The following ACOX3 variants were observed in gnomAD, a reference collection of about 807,000 sequenced individuals.
ACOX3 encodes the protein acyl-CoA oxidase 3, pristanoyl.
ACOX3 carries 73 observed loss-of-function variants against 81.5 expected under a neutral mutation model. The ratio of observed to expected loss-of-function variants is 0.90; its 90% CI spans 0.74 to 1.09. The LOEUF is 1.09. ACOX3 is among the 50% of genes least tolerant of loss of function. The pLI, the probability that ACOX3 is intolerant of heterozygous loss-of-function variation, is 0.00. For synonymous variants in ACOX3, 387 were observed against 375.1 expected, an observed-to-expected ratio of 1.03 and a Z score of -0.37; for missense variants, 947 against 928.0, an observed-to-expected ratio of 1.02 and a Z score of -0.27.
chr4:8,416,525 G>A lies in ACOX3; in HGVS notation c.-4C>T, dbSNP rs748628121. 55 of 1,599,604 alleles carry A rather than the reference G, an allele frequency of 3.4e-5. No individual in the cohort carries two copies. The highest frequency in any genetic ancestry group is 4.2e-5 in the Non-Finnish European group (49 of 1,172,374). ...CTCCTTCCACAGTGGATGCCATCGC[G>A]TGATAAGAGCCTGCACAAAACATGC... On this transcript the variant is annotated 5_prime_UTR_variant, in exon 2 of 18. It adds an upstream start codon to the 5' untranslated region. Coordinates refer to ENST00000356406, the MANE Select transcript of ACOX3 (RefSeq NM_003501.3). The surrounding 1 kb of genome is among the most constrained non-coding windows in gnomAD (Gnocchi z 4.2).
At chr4:8,425,951 G>A (rs1007966968) in intron 1 of ACOX3, among the ~76,000 whole-genome samples, 3 of 152,078 alleles carry the variant, frequency 2.0e-5, no homozygotes, top group Non-Finnish European at 4.4e-5. Flanking sequence ...GAAAATGAAC[G>A]AAACACTCAA....
chr4:8,377,447 C>G (rs1349844527), intron 14 of ACOX3, among the ~76,000 whole-genome samples: 3 of 149,060 alleles, frequency 2.0e-5, no homozygotes, highest in East Asian at 3.9e-4. Context: ...AGTTTTGAAA[C>G]ACAGCGTCAC....
At chr4:8,374,022 G>A (rs1036436406) in intron 15 of ACOX3, 12 of 227,310 alleles carry the variant, frequency 5.3e-5, no homozygotes, top group Non-Finnish European at 8.8e-5. Context: ...GCGCAGGGGC[G>A]AGGGGGTGCC....
rs757530896 is a variant in ACOX3 at position 8,399,603 on chromosome 4, G to C, written c.826C>G (p.Arg276Gly). ...VRVPRQSLLN[R>G]MGDVTPEGTY... ...CCCTCGGGGGTGACGTCTCCCATCC[G>C]GTTCAGAAGGCTCTGGCGAGGAACT... The change falls in exon 8 of 18, where the codon CGG (arginine) becomes GGG (glycine). Residue 276 changes from arginine (R) to glycine (G), a missense_variant. Arg to Gly is a moderately radical substitution (Grantham distance 125, BLOSUM62 -2). Coordinates refer to ENST00000356406, the MANE Select transcript of ACOX3 (RefSeq NM_003501.3). This position sits in a 1 kb window ranked among gnomAD's most constrained non-coding sequence, Gnocchi z 4.9. 1 of 1,614,154 alleles carries C rather than the reference G, an allele frequency of 6.2e-7. No homozygotes were observed. Among genetic ancestry groups the C allele is most frequent in the South Asian group, 1.1e-5 (1 of 91,080 alleles).
In ACOX3 at chr4:8,394,759, A is replaced by C; in HGVS notation, c.1057-17T>G. The C allele has an allele frequency of 1.2e-6, 2 of 1,606,928 alleles. No individual in the cohort carries two copies. The highest frequency in any genetic ancestry group is 1.7e-6 in the Non-Finnish European group (2 of 1,175,210). ...GCGCCATTGCTAGAACAGACAAGACACCTGCGTGAACACATCGTGGTTCCC... is the reference window on the plus strand; with the variant it reads ...GCGCCATTGCTAGAACAGACAAGACCCCTGCGTGAACACATCGTGGTTCCC... On this transcript the variant is annotated splice_polypyrimidine_tract_variant and intron_variant, in intron 9 of 17. Transcript: ENST00000356406. The surrounding 1 kb of genome is among the most constrained non-coding windows in gnomAD (Gnocchi z 5.9).
intron 6 of ACOX3, 76 bp downstream of exon 6, chr4:8,410,135 CA>C (rs1241727217): frequency 2.0e-5 from 30 of 1,524,902 alleles, no homozygotes; most frequent in Non-Finnish European, 2.5e-5. Context: ...CTTGTTATGA[CA>C]AAAATGACTC....
intron 16 of ACOX3, among the ~76,000 whole-genome samples, chr4:8,372,135 T>C (rs181040197): frequency 3.9e-5 from 6 of 152,324 alleles, no homozygotes; most frequent in Non-Finnish European, 5.9e-5. Context: ...TCTTGCTCTG[T>C]TGTCCAGGCT....
chr4:8,358,455 T>C, the ACOX3 span: 1 of 150,874 alleles, frequency 6.6e-6, no homozygotes, highest in East Asian at 2.0e-4. Context: ...TTTTTGAATC[T>C]ACCTGTCAGA....
Position 8,389,090 on chromosome 4 carries a change from C to A in ACOX3, c.1537+83G>T. 8.7e-7 allele frequency: 1 copy of A among 1,146,324 alleles called. No homozygotes were observed. Among genetic ancestry groups the A allele is most frequent in the Non-Finnish European group, 1.3e-6 (1 of 779,908 alleles). The allele number at this position is 1,146,324 out of a possible 1,614,324, so 71.0% of individuals were successfully genotyped here. On this transcript the variant is annotated intron_variant, in intron 13 of 17. Coordinates refer to ENST00000356406, the MANE Select transcript of ACOX3 (RefSeq NM_003501.3). This position sits in a 1 kb window ranked among gnomAD's most constrained non-coding sequence, Gnocchi z 5.3. ...TGCCCCGGCTGGAACTGCCAAGGGTCCCCTCACCGAGGCACGGTGCGTTTC... is the reference window on the plus strand; with the variant it reads ...TGCCCCGGCTGGAACTGCCAAGGGTACCCTCACCGAGGCACGGTGCGTTTC...
Position 8,419,107 on chromosome 4 carries a change from C to A in ACOX3, c.-14-2572G>T, listed in dbSNP as rs546922602. Among the ~76,000 whole-genome samples, 1 of 151,946 alleles carries A rather than the reference C, an allele frequency of 6.6e-6. No homozygotes were observed. Among genetic ancestry groups the A allele is most frequent in the Non-Finnish European group, 1.5e-5 (1 of 67,990 alleles). ...CTTGAGCCCAGGAGTTTGAGACCAG[C>A]CTGGGTGATACAGCAAGACCTTATC... On this transcript the variant is annotated intron_variant, in intron 1 of 17. Transcript: ENST00000356406. This position sits in a 1 kb window ranked among gnomAD's most constrained non-coding sequence, Gnocchi z 4.2.
At chr4:8,371,662 A>G (rs1300809752) in intron 16 of ACOX3, among the ~76,000 whole-genome samples, 1 of 152,276 alleles carries the variant, frequency 6.6e-6, no homozygotes. Context: ...AAAGGCCACA[A>G]TGGAGGAACT....
At chr4:8,398,742 C>G (rs1316228763) in intron 8 of ACOX3, among the ~76,000 whole-genome samples, 1 of 152,196 alleles carries the variant, frequency 6.6e-6, no homozygotes, top group Non-Finnish European at 1.5e-5. Context: ...TCCCACAGTG[C>G]TAGGGTTACG....
chr4:8,356,108 T>G, the ACOX3 span: 1 of 221,148 alleles, frequency 4.5e-6, no homozygotes, highest in Non-Finnish European at 9.1e-6. Context: ...AGACTTACCA[T>G]GTGCTGTCTG....
At chr4:8,367,806 CA>C (rs535574857) in intron 17 of ACOX3, among the ~76,000 whole-genome samples, 1,218 of 46,618 alleles carry the variant, frequency 0.026, 4 homozygotes, top group South Asian at 0.041. Flanking sequence ...CCCATCTTTA[CA>C]AAAAAAAAAA....
At chr4:8,403,900 T>C (rs565774507) in intron 7 of ACOX3, among the ~76,000 whole-genome samples, 137 of 152,290 alleles carry the variant, frequency 9.0e-4, no homozygotes, top group South Asian at 6.2e-4. Flanking sequence ...ATGTGACAAT[T>C]CACCACCGCC....
At chr4:8,397,763 A>G (rs923220340) in intron 8 of ACOX3, among the ~76,000 whole-genome samples, 5 of 152,012 alleles carry the variant, frequency 3.3e-5, no homozygotes, top group African/African-American at 1.2e-4. Flanking sequence ...CCATCGGGCC[A>G]CTCCTCTGAC....
Position 8,366,690 on chromosome 4 carries a change from T to C in ACOX3, c.*271A>G, listed in dbSNP as rs1046086814. The C allele has an allele frequency of 4.8e-5, 13 of 270,768 alleles. No homozygotes were observed. The highest frequency in any genetic ancestry group is 2.4e-4 in the African/African-American group (11 of 45,922). 16.8% of individuals were successfully genotyped at this position (270,768 alleles called of 1,614,324 possible). Reference sequence around the variant, plus strand: ...GAAAACTGAATGTGCGAAATTCTAATTATCAAAAAACCCACGGCGCATCAG... The same window carrying C: ...GAAAACTGAATGTGCGAAATTCTAACTATCAAAAAACCCACGGCGCATCAG... On this transcript the variant is annotated 3_prime_UTR_variant, in exon 18 of 18. Coordinates refer to ENST00000356406, the MANE Select transcript of ACOX3 (RefSeq NM_003501.3).
intron 11 of ACOX3, among the ~76,000 whole-genome samples, chr4:8,390,334 A>G (rs1234370611): frequency 1.4e-5 from 2 of 147,864 alleles, no homozygotes; most frequent in Non-Finnish European, 3.0e-5. Flanking sequence ...ACAGGGCAAG[A>G]CTCTGACCAA....
intron 16 of ACOX3, among the ~76,000 whole-genome samples, chr4:8,371,366 A>C (rs977897868): frequency 1.3e-5 from 2 of 152,202 alleles, no homozygotes; most frequent in African/African-American, 4.8e-5. Context: ...TATGTTCAGA[A>C]AACATGTAAT....
Sources: gnomAD v4.1 joint callset for allele counts (sites outside exome capture counted in the v4.1 genomes callset) on GRCh38, gnomAD v4.1.1 for gene constraint, Gnocchi (gnomAD v3.1) non-coding constraint, MANE v1.5 for transcripts, NCBI Gene and HGNC (gene_info 2026-07-23, HGNC 2026-07-21) for gene names.